GEMIN5: variants seen among roughly 807,000 people sequenced by gnomAD.
GEMIN5 encodes gem nuclear organelle associated protein 5.
A neutral mutation model predicts 176.9 loss-of-function variants in GEMIN5; 124 were observed. The ratio of observed to expected loss-of-function variants is 0.70; its 90% CI spans 0.61 to 0.81. GEMIN5 has a LOEUF of 0.81. GEMIN5 is among the 40% of genes least tolerant of loss of function. The pLI is 0.00. For synonymous variants in GEMIN5, 673 were observed against 665.2 expected, an observed-to-expected ratio of 1.01 and a Z score of -0.18; for missense variants, 1,843 against 1,814.6, an observed-to-expected ratio of 1.02 and a Z score of -0.28.
At chr5:154,922,785 C>CTCCTG (rs1315195805) in intron 9 of GEMIN5, among the ~76,000 whole-genome samples, 1 of 81,832 alleles carries the variant, frequency 1.2e-5, no homozygotes. Flanking sequence ...CAACCTCCGC[C>CTCCTG]TCCTGGGTTC....
At chr5:154,919,749 TACTC>T (rs1763884772) in intron 11 of GEMIN5, among the ~76,000 whole-genome samples, 2 of 152,316 alleles carry the variant, frequency 1.3e-5, no homozygotes, top group South Asian at 2.1e-4. Context: ...TTTTGCCTCA[TACTC>T]ACTGTCTGAG....
In GEMIN5 at chr5:154,911,739, G is replaced by A. The variant is rs140636657; in HGVS notation, c.2155C>T (p.Arg719Trp). ...KWLTSMQDHS[R>W]PPQGKKSIEL... ...GGTTCTGACTGACCTTGAGGAGGCC[G>A]GGAATGATCTTGCATGGAAGTGAGC... The change falls in exon 15 of 28, where the codon CGG becomes TGG. Residue 719 changes from arginine to tryptophan, a missense_variant. Physicochemically the swap from Arg to Trp is moderately radical, Grantham distance 101 (BLOSUM62 -3). Coordinates refer to ENST00000285873, the MANE Select transcript of GEMIN5 (RefSeq NM_015465.5). 58 of 1,613,142 alleles carry A rather than the reference G, an allele frequency of 3.6e-5. No homozygotes were observed. In the African/African-American group the frequency reaches 4.1e-4, roughly 12 times the overall value.
In GEMIN5 at chr5:154,930,812, T is replaced by C. The variant is rs761538849; in HGVS notation, c.781+646A>G. ...TGATAAAGATGGCAAATGTTATATT[T>C]TCCACCACAGCTTAAAAAACTGCCA... On this transcript the variant is annotated intron_variant, in intron 5 of 27. Transcript: ENST00000285873. 5.9e-5 allele frequency among the ~76,000 whole-genome samples: 9 copies of C among 152,092 alleles called. No homozygotes were observed. In the South Asian group the frequency reaches 1.2e-3, roughly 21 times the overall value.
chr5:154,913,499 T>C (rs1046014816), intron 13 of GEMIN5, among the ~76,000 whole-genome samples: 1 of 152,178 alleles, frequency 6.6e-6, no homozygotes, highest in African/African-American at 2.4e-5. Context: ...GAGTGCCCTA[T>C]CTTCCTCAAA....
In GEMIN5 at chr5:154,938,170, G is replaced by C; in HGVS notation, c.-37C>G. 7.5e-7 allele frequency: 1 copy of C among 1,335,984 alleles called. No individual in the cohort carries two copies. The allele number at this position is 1,335,984 out of a possible 1,614,324, so 82.8% of individuals were successfully genotyped here. ...GTCAGAGACAAGAGAAGCTGCCACA[G>C]CCGACCGCTCGTAGCCTCACGCCTT... is the stretch of plus-strand genomic sequence containing the variant. On this transcript the variant is annotated 5_prime_UTR_variant, in exon 1 of 28. Coordinates refer to ENST00000285873, the MANE Select transcript of GEMIN5 (RefSeq NM_015465.5).
intron 9 of GEMIN5, among the ~76,000 whole-genome samples, chr5:154,923,880 C>T (rs1763974706): frequency 6.6e-6 from 1 of 152,078 alleles, no homozygotes; most frequent in Non-Finnish European, 1.5e-5. Context: ...CAACACAGGT[C>T]TGGATTCTAA....
chr5:154,896,319 G>C lies in GEMIN5; in HGVS notation c.3370C>G (p.Leu1124Val). The stretch of plus-strand genomic sequence containing the variant: ...TCCAGATGCCTGGACAGTAGCTCCA[G>C]AAGGCAAAACACCAATCTCTGACCC... The part of the protein sequence containing the change: ...LQGQRLVFCL[L>V]ELLSRHLEEK... Residue 1124 changes from leucine to valine, a missense_variant, in exon 24 of 28, where the codon CTG (leucine) becomes GTG (valine). Physicochemically the swap from Leu to Val is conservative, Grantham distance 32 (BLOSUM62 1). Coordinates refer to ENST00000285873, the MANE Select transcript of GEMIN5 (RefSeq NM_015465.5). 2 of 1,593,008 alleles carry C rather than the reference G, an allele frequency of 1.3e-6. No homozygotes were observed. Among genetic ancestry groups the C allele is most frequent in the Non-Finnish European group, 8.5e-7 (1 of 1,171,216 alleles).
rs116395207 is a variant in GEMIN5 at position 154,906,568 on chromosome 5, A to G, written c.2395+1023T>C. 2.8e-3 allele frequency among the ~76,000 whole-genome samples: 431 copies of G among 152,164 alleles called. 2 individuals carry two copies. The highest frequency in any genetic ancestry group is 9.7e-3 in the African/African-American group (404 of 41,522). ...TGTATAGCCATTTTGTGAAAGAAAGACTTTTTAAAAAAAAGAAAAATAAAG... is the reference window on the plus strand; with the variant it reads ...TGTATAGCCATTTTGTGAAAGAAAGGCTTTTTAAAAAAAAGAAAAATAAAG... On this transcript the variant is annotated intron_variant, in intron 16 of 27. Coordinates refer to ENST00000285873, the MANE Select transcript of GEMIN5 (RefSeq NM_015465.5).
rs781554495 is a variant in GEMIN5, at chr5:154,899,253, G to A, written c.3072C>T (p.Asp1024=). Residue 1024 remains aspartate (D), a synonymous_variant, in exon 22 of 28, where the codon GAC becomes GAT. Transcript: ENST00000285873. The part of the protein sequence containing the change: ...RLRPEDPVLK[D]LYLSWGTVLE... ...GGACGGTTCCCCAGCTGAGGTACAA[G>A]TCCTTCAGGACTGGGTCCTCCGGGC... 6.2e-7 allele frequency: 1 copy of A among 1,613,286 alleles called. No individual in the cohort carries two copies. Among genetic ancestry groups the A allele is most frequent in the Non-Finnish European group, 8.5e-7 (1 of 1,179,568 alleles).
chr5:154,921,489 A>G (rs1342561620), intron 9 of GEMIN5, 64 bp from the exon 10 acceptor site: 3 of 747,706 alleles, frequency 4.0e-6, no homozygotes, highest in Non-Finnish European at 6.9e-6. Flanking sequence ...TGAAAAACAG[A>G]CCATCTTTTT....
At chr5:154,893,839 G>T (rs972606334) in intron 24 of GEMIN5, among the ~76,000 whole-genome samples, 1 of 152,172 alleles carries the variant, frequency 6.6e-6, no homozygotes, top group African/African-American at 2.4e-5. Context: ...GGCCTCCTGG[G>T]TTCACACCAT....
intron 11 of GEMIN5, 63 bp from the exon 12 acceptor site, chr5:154,918,067 T>G: frequency 9.8e-7 from 1 of 1,017,868 alleles, no homozygotes; most frequent in Non-Finnish European, 1.5e-6. Flanking sequence ...AATGACAGCA[T>G]GAGAAAAAAA....
chr5:154,926,117 G>A (rs1257232653), intron 7 of GEMIN5, 43 bp from the exon 8 acceptor site: 2 of 1,312,220 alleles, frequency 1.5e-6, no homozygotes, highest in Admixed American at 1.8e-5. Flanking sequence ...AAAAAGAACA[G>A]AGAAATAGGA....
intron 9 of GEMIN5, 55 bp downstream of exon 9, chr5:154,924,413 TG>T: frequency 9.8e-7 from 1 of 1,022,434 alleles, no homozygotes. Context: ...AGAGCAGGGG[TG>T]GCCAACCTTT....
rs754757972 is a variant in GEMIN5, at chr5:154,891,483, T to C, written c.4020A>G (p.Glu1340=). Residue 1340 remains glutamate, a synonymous_variant, in exon 26 of 28, where the codon GAA becomes GAG. Transcript: ENST00000285873. ...TSQPEPNRPS[E]LDLRLTEEGE... is the part of the protein sequence containing the mutation. The stretch of plus-strand genomic sequence containing the variant: ...CTTCTTCTGTGAGTCTCAAGTCTAG[T>C]TCTGAAGGCCTGTTTGGCTCTGGCT... 6.2e-7 allele frequency: 1 copy of C among 1,614,186 alleles called. No individual in the cohort carries two copies. The highest frequency in any genetic ancestry group is 1.7e-5 in the Admixed American group (1 of 60,018).
Position 154,927,531 on chromosome 5 carries a change from C to A in GEMIN5, c.934G>T (p.Asp312Tyr), listed in dbSNP as rs747182680. The A allele has an allele frequency of 6.2e-7, 1 of 1,604,582 alleles. No homozygotes were observed. Among genetic ancestry groups the A allele is most frequent in the South Asian group, 1.1e-5 (1 of 90,566 alleles). Residue 312 changes from aspartate (D) to tyrosine (Y), a missense_variant, in exon 7 of 28, where the codon GAT (aspartate) becomes TAT (tyrosine). By Grantham distance (160) the Asp-to-Tyr change is radical. Coordinates refer to ENST00000285873, the MANE Select transcript of GEMIN5 (RefSeq NM_015465.5). ...TTCCGTCTCCAAGATTGAGTGAGAT[C>A]CCATTGCAACAGTTCACCTCTGTGA... ...SCFGGELLQW[D>Y]LTQSWRRKYT... is the part of the protein sequence containing the mutation.
Position 154,902,545 on chromosome 5 carries a change from G to T in GEMIN5, c.2860C>A (p.Pro954Thr), listed in dbSNP as rs1216119815. 6.2e-7 allele frequency: 1 copy of T among 1,613,828 alleles called. No homozygotes were observed. Residue 954 changes from proline (P) to threonine (T), a missense_variant, in exon 20 of 28, where the codon CCA (proline) becomes ACA (threonine). Pro to Thr is a conservative substitution (Grantham distance 38). Transcript: ENST00000285873. ...ELTDNLVAMAPAAGYHVWLWA... is the reference protein window; with the variant it reads ...ELTDNLVAMATAAGYHVWLWA... The stretch of plus-strand genomic sequence containing the variant: ...AAACAAACAAAAACCATACCTGCTG[G>T]TGCCATAGCCACAAGGTTGTCTGTC...
At position 154,928,513 on chromosome 5, in the gene GEMIN5, C is replaced by CA; in HGVS notation, c.914+13dup. ...CAAAATATATCTGAGAAAGCATGAC[C>CA]AAAAAAGACTTACCCAAAACAGCTA... On this transcript the variant is annotated intron_variant, in intron 6 of 27. Transcript: ENST00000285873. 1 of 1,612,802 alleles carries CA rather than the reference C, an allele frequency of 6.2e-7. No individual in the cohort carries two copies.
At chr5:154,929,445 C>T (rs1764115404) in intron 5 of GEMIN5, among the ~76,000 whole-genome samples, 1 of 152,186 alleles carries the variant, frequency 6.6e-6, no homozygotes, top group African/African-American at 2.4e-5. Flanking sequence ...CTCCACCCGA[C>T]ATGCTTCTAA....
Sources: allele counts gnomAD v4.1 joint callset (sites outside exome capture counted in the v4.1 genomes callset), GRCh38; gene constraint gnomAD v4.1.1; transcripts MANE v1.5; gene names NCBI Gene and HGNC (gene_info 2026-07-23, HGNC 2026-07-21).